The following GRM8 variants were observed in gnomAD, a reference collection of about 807,000 sequenced individuals.
GRM8 encodes the protein glutamate metabotropic receptor 8, also known as metabotropic glutamate receptor 8.
In GRM8, 47 loss-of-function variants were observed where a neutral mutation model predicts 87.2. The observed-to-expected ratio is 0.54, with a 90% CI of 0.43 to 0.69. The LOEUF (loss-of-function observed/expected upper bound fraction) is 0.69. Ranked by LOEUF, GRM8 falls within the 30% of genes least tolerant of loss-of-function variation. GRM8 has a pLI of 0.00. For synonymous variants in GRM8, 396 were observed against 404.5 expected (o/e 0.98, Z 0.25); for missense variants, 1,019 against 1,139.2 (o/e 0.89, Z 1.52).
intron 9 of GRM8, among the ~76,000 whole-genome samples, chr7:126,498,821 T>C (rs770428887): frequency 3.3e-5 from 5 of 151,976 alleles, no homozygotes; most frequent in Admixed American, 6.6e-5. Context: ...TTATGTGAAA[T>C]TTGATTATGG....
chr7:126,661,988 A>C (rs1805232031), intron 7 of GRM8, among the ~76,000 whole-genome samples: 1 of 151,522 alleles, frequency 6.6e-6, no homozygotes, highest in East Asian at 1.9e-4. Flanking sequence ...ATGACTAAAA[A>C]GGTATTGTTA....
chr7:126,809,238 A>C (rs1486679181), intron 6 of GRM8, among the ~76,000 whole-genome samples: 1 of 152,196 alleles, frequency 6.6e-6, no homozygotes, highest in African/African-American at 2.4e-5. Flanking sequence ...GTAAAAGTCA[A>C]CTAATTAGCA....
At chr7:127,206,906 G>A (rs1173582924) in intron 2 of GRM8, among the ~76,000 whole-genome samples, 1 of 152,222 alleles carries the variant, frequency 6.6e-6, no homozygotes, top group Non-Finnish European at 1.5e-5. Flanking sequence ...GTTGACAGCA[G>A]CTGGTCTAAG....
chr7:127,208,094 T>A (rs1796015188), intron 2 of GRM8, among the ~76,000 whole-genome samples: 1 of 152,180 alleles, frequency 6.6e-6, no homozygotes, highest in Non-Finnish European at 1.5e-5. Flanking sequence ...TTTCTCCTAA[T>A]AAGAGACCAT....
chr7:126,686,459 T>G lies in GRM8; in HGVS notation c.1358-76961A>C, dbSNP rs1271966779. On this transcript the variant is annotated intron_variant, in intron 7 of 10. Coordinates refer to ENST00000339582, the MANE Select transcript of GRM8 (RefSeq NM_000845.3). The stretch of plus-strand genomic sequence containing the variant: ...CTGGGAGCTCCCTGAGCCAGGGCAG[T>G]GACTCCCTATTTGGGGCCCTGAAGT... Among the ~76,000 whole-genome samples the G allele has an allele frequency of 2.0e-5, 3 of 152,108 alleles. No individual in the cohort carries two copies. The East Asian group carries it at 5.8e-4, about 29-fold the overall frequency.
intron 6 of GRM8, among the ~76,000 whole-genome samples, chr7:126,838,925 GA>G (rs1796031408): frequency 6.6e-6 from 1 of 152,160 alleles, no homozygotes; most frequent in African/African-American, 2.4e-5. Flanking sequence ...GCCCATCGGG[GA>G]AAGCCCTAGG....
intron 6 of GRM8, among the ~76,000 whole-genome samples, chr7:126,815,675 T>C (rs1793718605): frequency 6.6e-6 from 1 of 152,136 alleles, no homozygotes; most frequent in Admixed American, 6.6e-5. Context: ...TCATGCCCTG[T>C]AGAAATTTTT....
At position 127,015,067 on chromosome 7, in the gene GRM8, GAAAGA is replaced by G. The variant is rs777285258; in HGVS notation, c.727+91424_727+91428del. ...AGAAGAAGAAGAAGAAGAAGAAGAAGAAAGAAAGAAGGAGAAGAAGGAGAAGAAGG... is the reference window on the plus strand; with the variant it reads ...AGAAGAAGAAGAAGAAGAAGAAGAAGAAGAAGGAGAAGAAGGAGAAGAAGG... On this transcript the variant is annotated intron_variant, in intron 3 of 10. Coordinates refer to ENST00000339582, the MANE Select transcript of GRM8 (RefSeq NM_000845.3). 1.3e-3 allele frequency among the ~76,000 whole-genome samples: 113 copies of G among 89,402 alleles called. 2 individuals carry two copies. Among genetic ancestry groups the G allele is most frequent in the South Asian group, 6.2e-3 (16 of 2,566 alleles). The allele number at this position is 89,402 out of a possible 152,430, so 58.7% of individuals were successfully genotyped here.
At chr7:127,226,944 T>C (rs975029794) in intron 2 of GRM8, among the ~76,000 whole-genome samples, 10 of 152,258 alleles carry the variant, frequency 6.6e-5, no homozygotes, top group Non-Finnish European at 1.5e-4. Context: ...ACAAAGCTAG[T>C]GGTTTTCTAA....
intron 8 of GRM8, among the ~76,000 whole-genome samples, chr7:126,600,462 G>A (rs985054548): frequency 6.6e-6 from 1 of 152,098 alleles, no homozygotes; most frequent in Non-Finnish European, 1.5e-5. Flanking sequence ...TATCTACATA[G>A]GGATGACTGT....
At chr7:126,833,523 G>A (rs930013609) in intron 6 of GRM8, among the ~76,000 whole-genome samples, 6 of 152,212 alleles carry the variant, frequency 3.9e-5, no homozygotes, top group Non-Finnish European at 7.3e-5. Context: ...CAGGGTGCCA[G>A]TATGGTCAGG....
chr7:126,786,759 T>C, intron 6 of GRM8, among the ~76,000 whole-genome samples: 1 of 152,186 alleles, frequency 6.6e-6, no homozygotes, highest in Non-Finnish European at 1.5e-5. Context: ...TATAAATTAA[T>C]AAGACAAATT....
At chr7:126,885,978 G>A (rs749271091) in intron 6 of GRM8, among the ~76,000 whole-genome samples, 5 of 152,036 alleles carry the variant, frequency 3.3e-5, no homozygotes, top group African/African-American at 1.2e-4. Flanking sequence ...TTTCTATGAA[G>A]GTGCCTTGTA....
chr7:127,222,232 C>T (rs1002921851), intron 2 of GRM8, among the ~76,000 whole-genome samples: 3 of 152,162 alleles, frequency 2.0e-5, no homozygotes, highest in Non-Finnish European at 2.9e-5. Flanking sequence ...GTGGCAAAAT[C>T]CCATCTTTGC....
intron 3 of GRM8, chr7:127,095,803 G>C (rs1277855094): frequency 6.6e-6 from 1 of 152,152 alleles, no homozygotes; most frequent in Non-Finnish European, 1.5e-5. Context: ...TTGAGGCAAA[G>C]ATCACATGAA....
chr7:127,071,013 C>A (rs1197399197), intron 3 of GRM8, among the ~76,000 whole-genome samples: 2 of 152,042 alleles, frequency 1.3e-5, no homozygotes, highest in Non-Finnish European at 2.9e-5. Context: ...TTCGTTTTAC[C>A]TTCCAAATCG....
intron 3 of GRM8, chr7:126,981,567 T>G (rs1270989476): frequency 1.3e-5 from 2 of 152,156 alleles, no homozygotes; most frequent in African/African-American, 2.4e-5. Context: ...GTTAATCCAT[T>G]AACTCATTAA....
At chr7:126,506,963 G>T (rs1372619610) in intron 9 of GRM8, among the ~76,000 whole-genome samples, 1 of 152,066 alleles carries the variant, frequency 6.6e-6, no homozygotes, top group Admixed American at 6.5e-5. Context: ...AAATTACATA[G>T]GCAGGGCATA....
intron 2 of GRM8, among the ~76,000 whole-genome samples, chr7:127,165,515 G>A (rs1027177446): frequency 6.6e-6 from 1 of 151,880 alleles, no homozygotes; most frequent in African/African-American, 2.4e-5. Context: ...TTCCAAACCT[G>A]CCTTTTCCTT....
Sources: gnomAD v4.1 joint callset for allele counts (sites outside exome capture counted in the v4.1 genomes callset) on GRCh38, gnomAD v4.1.1 for gene constraint, MANE v1.5 for transcripts, NCBI Gene and HGNC (gene_info 2026-07-23, HGNC 2026-07-21) for gene names.